The following CCDC125 variants were observed in gnomAD, a reference collection of about 807,000 sequenced individuals.
The protein encoded by CCDC125 is coiled-coil domain-containing protein 125.
A neutral mutation model predicts 57.4 loss-of-function variants in CCDC125; 43 were observed. The ratio of observed to expected loss-of-function variants is 0.75; its 90% CI spans 0.59 to 0.97. The LOEUF (loss-of-function observed/expected upper bound fraction) is 0.97. CCDC125 is among the 50% of genes least tolerant of loss of function. CCDC125 has a pLI of 0.00. For synonymous variants in CCDC125, 187 were observed against 195.2 expected, an observed-to-expected ratio of 0.96 and a Z score of 0.35; for missense variants, 563 against 595.7, an observed-to-expected ratio of 0.95 and a Z score of 0.57.
At position 69,281,966 on chromosome 5, in the gene CCDC125, C is replaced by G. The variant is rs951243720; in HGVS notation, c.*763G>C. On this transcript the variant is annotated 3_prime_UTR_variant, in exon 12 of 12. Transcript: ENST00000396496. ...AGTGCAATGACACAGTCTCGGCTTA[C>G]CACAACCCCCGCCTCCCAGGTTCAA... 4 of 151,206 alleles carry G rather than the reference C, an allele frequency of 2.6e-5. No homozygotes were observed. The highest frequency in any genetic ancestry group is 2.6e-4 in the Admixed American group (4 of 15,174). The allele number at this position is 151,206 out of a possible 1,614,324, so 9.4% of individuals were successfully genotyped here. A position where few individuals can be genotyped will look rare whatever the true frequency, so the allele number is the denominator to read the frequency against.
rs1579919831 is a variant in CCDC125 at position 69,282,818 on chromosome 5, A to G, written c.1447T>C (p.Cys483Arg). 1.2e-6 allele frequency: 2 copies of G among 1,614,102 alleles called. No individual in the cohort carries two copies. The highest frequency in any genetic ancestry group is 2.2e-5 in the East Asian group (1 of 44,874). The change falls in exon 12 of 12, where the codon TGC becomes CGC. Residue 483 changes from cysteine (C) to arginine (R), a missense_variant. Physicochemically the swap from Cys to Arg is radical, Grantham distance 180. Transcript: ENST00000396496. ...TGAGAGTGCTGGATTGAACAAATGC[A>G]GCCCACAGAATTTAAAATGCAGACA... ...SSVCILNSVG[C>R]ICSIQHSQID...
intron 10 of CCDC125, among the ~76,000 whole-genome samples, chr5:69,286,561 G>A (rs1247956054): frequency 3.3e-5 from 5 of 151,628 alleles, no homozygotes; most frequent in East Asian, 1.9e-4. Flanking sequence ...CCACCATCAC[G>A]ACAACAACAA....
chr5:69,287,350 G>T (rs1397509266), intron 10 of CCDC125, among the ~76,000 whole-genome samples: 1 of 149,006 alleles, frequency 6.7e-6, no homozygotes, highest in East Asian at 2.0e-4. Flanking sequence ...CACAACCTCT[G>T]CCTCCCGGGT....
chr5:69,321,724 A>C (rs1394252291), intron 1 of CCDC125, among the ~76,000 whole-genome samples: 6 of 152,224 alleles, frequency 3.9e-5, no homozygotes, highest in South Asian at 2.1e-4. Context: ...AATAAAGCTG[A>C]ATTTTTCAGG....
intron 2 of CCDC125, among the ~76,000 whole-genome samples, chr5:69,318,133 C>G (rs1759425652): frequency 6.6e-6 from 1 of 151,744 alleles, no homozygotes; most frequent in Admixed American, 6.6e-5. Context: ...AGGTGCACGC[C>G]ACCATGCCTG....
At chr5:69,299,973 A>G (rs1214819201) in intron 8 of CCDC125, 39 bp downstream of exon 8, 7 of 1,416,590 alleles carry the variant, frequency 4.9e-6, no homozygotes, top group African/African-American at 2.8e-5. Flanking sequence ...GAAAGTAGCA[A>G]ATGTCCCTTC....
downstream of CCDC125, chr5:69,277,016 G>T: frequency 9.5e-7 from 1 of 1,056,976 alleles, no homozygotes; most frequent in Non-Finnish European, 1.4e-6. Context: ...TAATGTAGTT[G>T]GAATGCAGTG....
intron 10 of CCDC125, among the ~76,000 whole-genome samples, chr5:69,289,678 A>G (rs192658093): frequency 1.6e-4 from 24 of 152,150 alleles, no homozygotes; most frequent in Admixed American, 1.2e-3. Flanking sequence ...CCTGGGTAAC[A>G]CAGTGAGACC....
At chr5:69,294,944 G>A (rs1314181575) in intron 8 of CCDC125, 44 bp from the exon 9 acceptor site, 1 of 1,520,176 alleles carries the variant, frequency 6.6e-7, no homozygotes, top group Non-Finnish European at 9.1e-7. Flanking sequence ...GTGTCACACT[G>A]TTTTAGCTGC....
intron 1 of CCDC125, among the ~76,000 whole-genome samples, chr5:69,323,375 T>G (rs981426370): frequency 2.0e-5 from 3 of 152,258 alleles, no homozygotes; most frequent in Non-Finnish European, 4.4e-5. Flanking sequence ...TCTAGGCACA[T>G]CCTCCTGTGT....
At chr5:69,299,953 A>G in intron 8 of CCDC125, 59 bp downstream of exon 8, 1 of 1,274,872 alleles carries the variant, frequency 7.8e-7, no homozygotes, top group Non-Finnish European at 1.1e-6. Context: ...GGGCAATGGG[A>G]GAAAGAAAGG....
chr5:69,319,436 C>A (rs1561174473), intron 2 of CCDC125, among the ~76,000 whole-genome samples: 2 of 151,128 alleles, frequency 1.3e-5, no homozygotes, highest in African/African-American at 4.9e-5. Flanking sequence ...ATATTAGATG[C>A]ATAACTACTG....
intron 1 of CCDC125, among the ~76,000 whole-genome samples, chr5:69,326,830 T>G (rs1474451321): frequency 6.6e-6 from 1 of 152,028 alleles, no homozygotes; most frequent in African/African-American, 2.4e-5. Context: ...GAAGGAGGAC[T>G]GCTTGAGCCT....
rs1274792793 is a variant in CCDC125, at chr5:69,314,127, A to T, written c.305-81T>A. On this transcript the variant is annotated intron_variant, in intron 2 of 11. Coordinates refer to ENST00000396496, the MANE Select transcript of CCDC125 (RefSeq NM_176816.5). ...AATTAAACATAGGACATTTGTTTAC[A>T]AATTACCAAATACAGGTATCCCCTA... is the stretch of plus-strand genomic sequence containing the variant. 6.2e-6 allele frequency: 6 copies of T among 964,968 alleles called. No individual in the cohort carries two copies. The East Asian group carries it at 1.2e-4, about 19-fold the overall frequency. The allele number at this position is 964,968 out of a possible 1,614,324, so 59.8% of individuals were successfully genotyped here.
chr5:69,279,299 C>T (rs1561386266), downstream of CCDC125, among the ~76,000 whole-genome samples: 1 of 150,702 alleles, frequency 6.6e-6, no homozygotes, highest in Admixed American at 6.6e-5. Context: ...CTGGGTTCAC[C>T]CATTCTCCTG....
At chr5:69,299,139 T>G (rs1394648997) in intron 8 of CCDC125, among the ~76,000 whole-genome samples, 1 of 150,048 alleles carries the variant, frequency 6.7e-6, no homozygotes, top group East Asian at 2.0e-4. Flanking sequence ...AGACGGAGTC[T>G]CGCTCTTTCG....
Position 69,294,795 on chromosome 5 carries a change from C to T in CCDC125, c.922G>A (p.Glu308Lys). 2 of 1,610,760 alleles carry T rather than the reference C, an allele frequency of 1.2e-6. No homozygotes were observed. The highest frequency in any genetic ancestry group is 1.7e-6 in the Non-Finnish European group (2 of 1,177,036). ...TTGCTGTTGTGATAACGCAATACCT[C>T]TTGTTTGAGCTGAAGAAGCAGTTTC... ...TRKLLLQLKQ[E>K]LEILQKSKEE... The change falls in exon 9 of 12, where the codon GAG (glutamate) becomes AAG (lysine). Residue 308 changes from glutamate to lysine, a missense_variant and splice_region_variant. Physicochemically the swap from Glu to Lys is moderately conservative, Grantham distance 56 (BLOSUM62 1). Coordinates refer to ENST00000396496, the MANE Select transcript of CCDC125 (RefSeq NM_176816.5).
At chr5:69,275,192 A>G (rs931443837), downstream of CCDC125, among the ~76,000 whole-genome samples, 18 of 152,200 alleles carry the variant, frequency 1.2e-4, no homozygotes, top group African/African-American at 4.3e-4. Flanking sequence ...GGGGGAAAAA[A>G]AGAGAAAATG....
downstream of CCDC125, among the ~76,000 whole-genome samples, chr5:69,279,716 C>T (rs1752376089): frequency 6.6e-6 from 1 of 152,038 alleles, no homozygotes; most frequent in Non-Finnish European, 1.5e-5. Context: ...AAGGGAGAAG[C>T]AGCCAAGCAG....
Sources: gnomAD v4.1 joint callset for allele counts (sites outside exome capture counted in the v4.1 genomes callset) on GRCh38, gnomAD v4.1.1 for gene constraint, MANE v1.5 for transcripts, NCBI Gene and HGNC (gene_info 2026-07-23, HGNC 2026-07-21) for gene names.